Variants in CPNE4 observed in about 807,000 individuals in gnomAD.
The protein encoded by CPNE4 is copine-4.
Under a neutral mutation model 67.9 loss-of-function variants are expected in CPNE4, and 25 were observed. The ratio of observed to expected loss-of-function variants is 0.37; its 90% CI spans 0.27 to 0.51. CPNE4 has a LOEUF of 0.51. Ranked by LOEUF, CPNE4 falls within the 20% of genes least tolerant of loss-of-function variation. The probability of loss-of-function intolerance (pLI) is 0.93; values close to 1 mark genes in which losing one functional copy is unlikely to be tolerated. For synonymous variants in CPNE4, 242 were observed against 244.9 expected (o/e 0.99, Z 0.11); for missense variants, 464 against 690.8 (o/e 0.67, Z 3.68).
chr3:131,581,699 AG>A (rs771424648), intron 8 of CPNE4, 34 bp from the exon 9 acceptor site: 9 of 1,507,084 alleles, frequency 6.0e-6, no homozygotes, highest in Non-Finnish European at 7.4e-6. Flanking sequence ...GAATCTGTTC[AG>A]GAAAAAGCTG....
chr3:132,024,107 A>G (rs1227677381), intron 1 of CPNE4, among the ~76,000 whole-genome samples: 3 of 145,358 alleles, frequency 2.1e-5, no homozygotes, highest in African/African-American at 7.7e-5. Context: ...TTTTTGAGAC[A>G]CAGTCTTGCT....
At chr3:131,541,573 CTT>C (rs74269437) in intron 15 of CPNE4, among the ~76,000 whole-genome samples, 116 of 138,174 alleles carry the variant, frequency 8.4e-4, no homozygotes, top group Admixed American at 8.7e-4. Flanking sequence ...TCAAAGATTA[CTT>C]TTTTTTTTTT....
intron 9 of CPNE4, among the ~76,000 whole-genome samples, chr3:131,579,705 G>A (rs1937665256): frequency 6.6e-6 from 1 of 152,124 alleles, no homozygotes; most frequent in Non-Finnish European, 1.5e-5. Flanking sequence ...GGACAAACTG[G>A]AGATGTGGTA....
chr3:131,843,176 C>T (rs2107624097), intron 2 of CPNE4, among the ~76,000 whole-genome samples: 1 of 152,302 alleles, frequency 6.6e-6, no homozygotes, highest in Middle Eastern at 3.4e-3. Flanking sequence ...ATCCCTATTA[C>T]TCCTATCTCT....
intron 2 of CPNE4, among the ~76,000 whole-genome samples, chr3:131,780,633 G>A (rs536351944): frequency 1.1e-4 from 16 of 152,118 alleles, no homozygotes; most frequent in African/African-American, 3.1e-4. Context: ...ACACACAGAC[G>A]CAAAGAGAGG....
chr3:131,609,374 C>T (rs1309455913), intron 7 of CPNE4, among the ~76,000 whole-genome samples: 2 of 152,150 alleles, frequency 1.3e-5, no homozygotes, highest in Non-Finnish European at 2.9e-5. Context: ...TGACTAGACA[C>T]CGTCAAGGGA....
At chr3:131,893,368 G>C (rs184074716) in intron 2 of CPNE4, among the ~76,000 whole-genome samples, 1 of 151,970 alleles carries the variant, frequency 6.6e-6, no homozygotes, top group Non-Finnish European at 1.5e-5. Flanking sequence ...CAGCAATACA[G>C]TAATCGTAGG....
intron 1 of CPNE4, among the ~76,000 whole-genome samples, chr3:132,004,836 G>A (rs377689241): frequency 5.7e-4 from 86 of 152,142 alleles, no homozygotes; most frequent in Middle Eastern, 6.8e-3. Flanking sequence ...CTATTCTGAA[G>A]AAATCTCATG....
intron 2 of CPNE4, among the ~76,000 whole-genome samples, chr3:131,893,600 A>G (rs146705543): frequency 1.2e-4 from 19 of 152,104 alleles, no homozygotes; most frequent in African/African-American, 3.4e-4. Context: ...TAAGCATATA[A>G]AGATCACATC....
rs765257586 is a variant in CPNE4, at chr3:131,542,541, A to C, written c.1539+16T>G. The C allele has an allele frequency of 6.4e-7, 1 of 1,567,060 alleles. No homozygotes were observed. Among genetic ancestry groups the C allele is most frequent in the Admixed American group, 1.7e-5 (1 of 59,950 alleles). The stretch of plus-strand genomic sequence containing the variant: ...CTGCTCTTCCATGAAAAGTGCCCCA[A>C]TGTGTATATGCATACGTGTTTGAAG... On this transcript the variant is annotated intron_variant, in intron 15 of 15. Coordinates refer to ENST00000429747, the MANE Select transcript of CPNE4 (RefSeq NM_130808.3).
In CPNE4 at chr3:131,862,901, T is replaced by C. The variant is rs571798335; in HGVS notation, c.180+42363A>G. ...AGGCCCCAGTGTGTGATGTTCCCCT[T>C]CCTGTGTCCATGTGTTCTCATTGTT... On this transcript the variant is annotated intron_variant, in intron 2 of 15. Coordinates refer to ENST00000429747, the MANE Select transcript of CPNE4 (RefSeq NM_130808.3). Among the ~76,000 whole-genome samples, 18 of 151,210 alleles carry C rather than the reference T, an allele frequency of 1.2e-4. No individual in the cohort carries two copies. The East Asian group carries it at 3.5e-3, about 29-fold the overall frequency.
chr3:131,815,330 C>A (rs1423163455), intron 2 of CPNE4, among the ~76,000 whole-genome samples: 1 of 152,042 alleles, frequency 6.6e-6, no homozygotes, highest in East Asian at 1.9e-4. Context: ...AAAAAAAATT[C>A]TTTGGATAAG....
At chr3:131,552,547 C>T in intron 12 of CPNE4, 56 bp from the exon 13 acceptor site, 2 of 1,475,052 alleles carry the variant, frequency 1.4e-6, no homozygotes, top group Non-Finnish European at 1.9e-6. Flanking sequence ...CAACTTTAAT[C>T]CAGTAAGAAG....
intron 2 of CPNE4, among the ~76,000 whole-genome samples, chr3:131,801,456 A>G (rs199619846): frequency 0.024 from 1,709 of 71,750 alleles, 29 homozygotes; most frequent in East Asian, 0.071. Flanking sequence ...GTGTGTGTAT[A>G]TATATATATA....
At chr3:131,703,697 G>T (rs2081356111) in intron 3 of CPNE4, among the ~76,000 whole-genome samples, 1 of 152,034 alleles carries the variant, frequency 6.6e-6, no homozygotes, top group African/African-American at 2.4e-5. Context: ...TTTTCATGAG[G>T]CTGTTTTTAT....
intron 8 of CPNE4, 41 bp from the exon 9 acceptor site, chr3:131,581,706 A>G (rs1937847832): frequency 1.2e-5 from 17 of 1,460,410 alleles, no homozygotes; most frequent in Non-Finnish European, 1.6e-5. Flanking sequence ...TTCAGGAAAA[A>G]GCTGAGTCTT....
At chr3:131,696,231 C>T (rs1315867092) in intron 5 of CPNE4, among the ~76,000 whole-genome samples, 4 of 152,180 alleles carry the variant, frequency 2.6e-5, no homozygotes, top group Admixed American at 2.0e-4. Flanking sequence ...TCTTCCCTTT[C>T]ATATCTTCTC....
rs573516271 is a variant in CPNE4, at chr3:131,605,620, C to T, written c.682-18038G>A. Among the ~76,000 whole-genome samples, 26 of 152,098 alleles carry T rather than the reference C, an allele frequency of 1.7e-4. No individual in the cohort carries two copies. In the South Asian group the frequency reaches 5.4e-3, roughly 32 times the overall value. ...GATCAGAGTAGCAATTTAGAAATAC[C>T]ACTCAGGCTGTTAAGTAGCGAATGA... On this transcript the variant is annotated intron_variant, in intron 7 of 15. Coordinates refer to ENST00000429747, the MANE Select transcript of CPNE4 (RefSeq NM_130808.3).
intron 7 of CPNE4, among the ~76,000 whole-genome samples, chr3:131,609,785 C>T (rs1285251193): frequency 2.0e-5 from 3 of 151,998 alleles, no homozygotes; most frequent in Non-Finnish European, 1.5e-5. Flanking sequence ...TTAATATAAA[C>T]ATTATTGTTG....
Sources: allele counts gnomAD v4.1 joint callset (sites outside exome capture counted in the v4.1 genomes callset), GRCh38; gene constraint gnomAD v4.1.1; transcripts MANE v1.5; gene names NCBI Gene and HGNC (gene_info 2026-07-23, HGNC 2026-07-21).